The following TRPC6 variants were observed in gnomAD, a reference collection of about 807,000 sequenced individuals.
The protein encoded by TRPC6 is short transient receptor potential channel 6.
A neutral mutation model predicts 90.7 loss-of-function variants in TRPC6; 55 were observed. The ratio of observed to expected loss-of-function variants is 0.61; its 90% CI spans 0.49 to 0.76. TRPC6 has a LOEUF of 0.76. TRPC6 is among the 30% of genes least tolerant of loss of function. The pLI, the probability that TRPC6 is intolerant of heterozygous loss-of-function variation, is 0.00. For synonymous variants in TRPC6, 393 were observed against 393.0 expected (o/e 1.00, Z 0.00); for missense variants, 989 against 1,122.7 (o/e 0.88, Z 1.70).
At chr11:101,558,253 G>A (rs967716855) in intron 1 of TRPC6, among the ~76,000 whole-genome samples, 1 of 135,962 alleles carries the variant, frequency 7.4e-6, no homozygotes, top group South Asian at 2.7e-4. Context: ...ATGTATATAT[G>A]TATACATGTA....
intron 5 of TRPC6, among the ~76,000 whole-genome samples, chr11:101,477,079 T>C (rs1393339427): frequency 2.0e-5 from 3 of 151,874 alleles, no homozygotes; most frequent in African/African-American, 7.3e-5. Context: ...TCTCAGCCAA[T>C]TACTGAGGGT....
chr11:101,484,595 ATGTGTGTGTGTGTGTGTGTGTG>A (rs61160203), intron 4 of TRPC6, among the ~76,000 whole-genome samples: 1 of 140,788 alleles, frequency 7.1e-6, no homozygotes, highest in Non-Finnish European at 1.5e-5. Context: ...CTCTCATGCT[ATGTGTGTGTGTGTGTGTGTGTG>A]TGTGTGTGTG....
chr11:101,543,244 C>G (rs1023754781), intron 1 of TRPC6, among the ~76,000 whole-genome samples: 2 of 152,060 alleles, frequency 1.3e-5, no homozygotes, highest in African/African-American at 4.8e-5. Context: ...AGAATTCATG[C>G]ATTGCTGGTG....
At chr11:101,489,144 G>A in intron 3 of TRPC6, 43 bp from the exon 4 acceptor site, 5 of 1,586,962 alleles carry the variant, frequency 3.2e-6, no homozygotes, top group Non-Finnish European at 4.3e-6. Context: ...ACTAAAGAAA[G>A]GTTCAGCATA....
At chr11:101,461,257 G>A (rs1023686577) in intron 10 of TRPC6, among the ~76,000 whole-genome samples, 7 of 152,134 alleles carry the variant, frequency 4.6e-5, no homozygotes. Flanking sequence ...TTACTAAAAT[G>A]TCCTAGCAAA....
intron 1 of TRPC6, among the ~76,000 whole-genome samples, chr11:101,567,328 C>T (rs1376166034): frequency 3.4e-5 from 5 of 145,580 alleles, no homozygotes; most frequent in Admixed American, 2.8e-4. Context: ...ATTCCCTCCT[C>T]CCTGGGCAGG....
At chr11:101,541,896 T>C (rs1413524675) in intron 1 of TRPC6, among the ~76,000 whole-genome samples, 1 of 152,180 alleles carries the variant, frequency 6.6e-6, no homozygotes, top group Non-Finnish European at 1.5e-5. Flanking sequence ...GCAGAGAGCC[T>C]CCAACCAAGA....
In TRPC6 at chr11:101,452,877, G is replaced by A. The variant is rs931900688; in HGVS notation, c.*78C>T. 5.2e-6 allele frequency: 8 copies of A among 1,549,290 alleles called. No individual in the cohort carries two copies. The South Asian group carries it at 9.0e-5, about 17-fold the overall frequency. On this transcript the variant is annotated 3_prime_UTR_variant, in exon 13 of 13. Coordinates refer to ENST00000344327, the MANE Select transcript of TRPC6 (RefSeq NM_004621.6). ...TCTTGTTTAAAAGGTGGGCCCATTG[G>A]CACTTAAGAAAATAAATCAGAAAAT... is the stretch of plus-strand genomic sequence containing the variant.
rs200161007 is a variant in TRPC6 at position 101,558,408 on chromosome 11, C to T, written c.170+24926G>A. Among the ~76,000 whole-genome samples the T allele has an allele frequency of 2.8e-3, 51 of 18,222 alleles. 4 individuals are homozygous for T. In the East Asian group the frequency reaches 0.083, roughly 30 times the overall value. 12.0% of individuals were successfully genotyped at this position (18,222 alleles called of 152,430 possible). ...ATACATGTATACATATACACACACA[C>T]ATATACACACACACATATCTACATA... On this transcript the variant is annotated intron_variant, in intron 1 of 12. Coordinates refer to ENST00000344327, the MANE Select transcript of TRPC6 (RefSeq NM_004621.6).
intron 4 of TRPC6, among the ~76,000 whole-genome samples, chr11:101,487,854 G>T (rs1044963474): frequency 6.6e-6 from 1 of 152,068 alleles, no homozygotes; most frequent in Non-Finnish European, 1.5e-5. Flanking sequence ...GAAATAATTA[G>T]GATGTTTCCA....
At chr11:101,480,132 C>T (rs1340283618) in intron 5 of TRPC6, among the ~76,000 whole-genome samples, 1 of 152,038 alleles carries the variant, frequency 6.6e-6, no homozygotes, top group Admixed American at 6.6e-5. Context: ...GAGCTGAGAT[C>T]GCGCCATTGC....
At chr11:101,541,823 TATATGCA>T (rs1861180230) in intron 1 of TRPC6, among the ~76,000 whole-genome samples, 1 of 152,212 alleles carries the variant, frequency 6.6e-6, no homozygotes, top group Non-Finnish European at 1.5e-5. Context: ...CATGCTAATG[TATATGCA>T]TGTTTAACAT....
At chr11:101,527,884 C>T (rs951973548) in intron 1 of TRPC6, among the ~76,000 whole-genome samples, 7 of 151,852 alleles carry the variant, frequency 4.6e-5, no homozygotes, top group Non-Finnish European at 8.8e-5. Context: ...CCAGCCTGGC[C>T]AACATGGTGT....
intron 1 of TRPC6, among the ~76,000 whole-genome samples, chr11:101,505,716 G>A (rs1406707570): frequency 6.6e-6 from 1 of 152,146 alleles, no homozygotes; most frequent in Non-Finnish European, 1.5e-5. Context: ...TTCAATCTGT[G>A]ATAAGAAGGG....
chr11:101,570,398 T>C (rs79610080), intron 1 of TRPC6, among the ~76,000 whole-genome samples: 2 of 151,912 alleles, frequency 1.3e-5, no homozygotes, highest in Non-Finnish European at 2.9e-5. Context: ...ACCAACCAAA[T>C]AGAGTCCAGA....
chr11:101,472,268 C>A lies in TRPC6; in HGVS notation c.2074G>T (p.Val692Phe). 1 of 1,613,230 alleles carries A rather than the reference C, an allele frequency of 6.2e-7. No individual in the cohort carries two copies. Among genetic ancestry groups the A allele is most frequent in the Non-Finnish European group, 8.5e-7 (1 of 1,179,520 alleles). Residue 692 changes from valine to phenylalanine, a missense_variant, in exon 8 of 13, where the codon GTC becomes TTC. Coordinates refer to ENST00000344327, the MANE Select transcript of TRPC6 (RefSeq NM_004621.6). ...IFGLSEVKSVVINYNHKFIEN... is the reference protein window; with the variant it reads ...IFGLSEVKSVFINYNHKFIEN... ...ATGAATTTGTGGTTATAGTTGATGA[C>A]CACTGATTTCACTTCAGAAAGTCCA...
chr11:101,509,518 T>C (rs184710057), intron 1 of TRPC6, among the ~76,000 whole-genome samples: 6 of 152,308 alleles, frequency 3.9e-5, no homozygotes, highest in African/African-American at 1.2e-4. Context: ...TTGAGCTAAA[T>C]AGAATGTCTG....
rs138123801 is a variant in TRPC6 at position 101,504,756 on chromosome 11, A to T, written c.213T>A (p.Val71=). 179 of 1,605,252 alleles carry T rather than the reference A, an allele frequency of 1.1e-4. No homozygotes were observed. The highest frequency in any genetic ancestry group is 1.4e-4 in the Non-Finnish European group (168 of 1,176,018). ...CTAACCTTCTCCCCTTCTCACGGAG[A>T]ACTGTCTGCCGCCGGTGAGCCAGTC... The part of the protein sequence containing the change: ...DNRLAHRRQT[V]LREKGRRLAN... Residue 71 remains valine (V), a synonymous_variant, in exon 2 of 13, where the codon GTT becomes GTA. Coordinates refer to ENST00000344327, the MANE Select transcript of TRPC6 (RefSeq NM_004621.6).
At chr11:101,473,970 T>C (rs1859355766) in intron 6 of TRPC6, among the ~76,000 whole-genome samples, 197 bp from the exon 7 acceptor site, 1 of 152,202 alleles carries the variant, frequency 6.6e-6, no homozygotes, top group Non-Finnish European at 1.5e-5. Flanking sequence ...CCTGGTTTAC[T>C]AGCAATTTCC....
Sources: gnomAD v4.1 joint callset for allele counts (sites outside exome capture counted in the v4.1 genomes callset) on GRCh38, gnomAD v4.1.1 for gene constraint, MANE v1.5 for transcripts, NCBI Gene and HGNC (gene_info 2026-07-23, HGNC 2026-07-21) for gene names.